Variants in ELFN2 observed in about 807,000 individuals in gnomAD.
The protein encoded by ELFN2 is protein phosphatase 1 regulatory subunit 29.
Under a neutral mutation model 45.5 loss-of-function variants are expected in ELFN2, and 17 were observed. That is an observed-to-expected ratio of 0.37 (90% confidence interval 0.26 to 0.56). The LOEUF (loss-of-function observed/expected upper bound fraction) is 0.56, where lower values mean the gene tolerates loss of function less well. Ranked by LOEUF, ELFN2 falls within the 20% of genes least tolerant of loss-of-function variation. The pLI is 0.77. For synonymous variants in ELFN2, 550 were observed against 551.5 expected (o/e 1.00, Z 0.04); for missense variants, 922 against 1,183.2 (o/e 0.78, Z 3.24).
chr22:37,400,723 G>A (rs1932340375), intron 2 of ELFN2, among the ~76,000 whole-genome samples: 1 of 152,196 alleles, frequency 6.6e-6, no homozygotes, highest in Non-Finnish European at 1.5e-5. Flanking sequence ...GCCCAGAACA[G>A]GAGTTCAAGA....
chr22:37,377,905 C>A (rs538805726), intron 2 of ELFN2, among the ~76,000 whole-genome samples: 32 of 152,316 alleles, frequency 2.1e-4, no homozygotes, highest in East Asian at 1.4e-3. Flanking sequence ...CAGGCCAGTT[C>A]TACCCCTCTC....
chr22:37,390,576 C>A (rs921621144), intron 2 of ELFN2, among the ~76,000 whole-genome samples: 2 of 147,248 alleles, frequency 1.4e-5, no homozygotes, highest in African/African-American at 2.5e-5. Context: ...CCACAGCCCC[C>A]CAGAGGGTTC....
chr22:37,386,908 T>C (rs1293673300), intron 2 of ELFN2, among the ~76,000 whole-genome samples: 2 of 152,190 alleles, frequency 1.3e-5, no homozygotes, highest in Non-Finnish European at 2.9e-5. Flanking sequence ...GTCCTGGGTC[T>C]CGGTTTCCTC....
downstream of ELFN2, among the ~76,000 whole-genome samples, chr22:37,365,348 T>C (rs4821649): frequency 0.74 from 112,513 of 152,028 alleles, 41,786 homozygotes; most frequent in South Asian, 0.8. Flanking sequence ...CCTGGCCCAG[T>C]AGCTACAAGG....
At chr22:37,408,846 G>A (rs1932575924) in intron 2 of ELFN2, among the ~76,000 whole-genome samples, 1 of 152,200 alleles carries the variant, frequency 6.6e-6, no homozygotes, top group East Asian at 1.9e-4. Context: ...GGGTTGTTGT[G>A]AGGATTTTGC....
chr22:37,358,692 G>A (rs865808518), intron 1 of ELFN2, among the ~76,000 whole-genome samples: 4 of 152,226 alleles, frequency 2.6e-5, no homozygotes, highest in Non-Finnish European at 4.4e-5. Context: ...AGTCGGTGAT[G>A]GGCCTTCTCA....
intron 2 of ELFN2, among the ~76,000 whole-genome samples, chr22:37,398,057 G>A (rs963851087): frequency 6.6e-6 from 1 of 152,160 alleles, no homozygotes; most frequent in Non-Finnish European, 1.5e-5. Context: ...TCCAGGCCAC[G>A]CTGCGGGTGG....
chr22:37,425,570 G>A (rs576364974), intron 1 of ELFN2, among the ~76,000 whole-genome samples: 1 of 143,208 alleles, frequency 7.0e-6, no homozygotes, highest in Non-Finnish European at 1.5e-5. Flanking sequence ...TCCCAGTGAC[G>A]TCACCTGCGG....
exon 3 of ELFN2, chr22:37,340,724 C>T (rs1226222169): frequency 6.6e-6 from 1 of 152,306 alleles, no homozygotes; most frequent in Non-Finnish European, 1.5e-5. Flanking sequence ...GAGGCGGCAG[C>T]ATCCAATGAT....
rs1416219559 is a variant in ELFN2, at chr22:37,371,372, T to C, written c.*1700A>G. The C allele has an allele frequency of 6.6e-6, 1 of 151,954 alleles. No homozygotes were observed. The highest frequency in any genetic ancestry group is 1.5e-5 in the Non-Finnish European group (1 of 67,978). 9.4% of individuals were successfully genotyped at this position (151,954 alleles called of 1,614,324 possible). A position where few individuals can be genotyped will look rare whatever the true frequency, so the allele number is the denominator to read the frequency against. On this transcript the variant is annotated 3_prime_UTR_variant, in exon 3 of 3. Transcript: ENST00000402918. The surrounding 1 kb of genome is among the most constrained non-coding windows in gnomAD (Gnocchi z 6.4). ...AGACTGGGGGTCTCTGGCAGGGGCG[T>C]GGGGAGAGCCGGGGCCCCCCAAGCT...
intron 1 of ELFN2, among the ~76,000 whole-genome samples, chr22:37,350,080 G>C (rs1601731917): frequency 1.3e-5 from 2 of 150,998 alleles, no homozygotes; most frequent in East Asian, 3.9e-4. Flanking sequence ...GCAGAGGGCT[G>C]CTGGCTCAAA....
At chr22:37,416,341 C>T (rs67947855) in intron 2 of ELFN2, among the ~76,000 whole-genome samples, 25,396 of 152,150 alleles carry the variant, frequency 0.17, 2,349 homozygotes, top group Admixed American at 0.28. Context: ...CTCCCCAGAA[C>T]GTGCCTGCTG....
At chr22:37,424,889 G>GT (rs1336749378) in intron 1 of ELFN2, among the ~76,000 whole-genome samples, 2 of 152,092 alleles carry the variant, frequency 1.3e-5, no homozygotes, top group African/African-American at 4.8e-5. Flanking sequence ...GGGATAGGAG[G>GT]TGAGAGGACA....
intron 2 of ELFN2, among the ~76,000 whole-genome samples, chr22:37,399,884 A>G (rs1156824608): frequency 2.0e-5 from 3 of 152,308 alleles, no homozygotes; most frequent in Non-Finnish European, 4.4e-5. Context: ...GAAAGAAGGA[A>G]GGGCTTGCAG....
At chr22:37,346,333 C>G (rs1230031588) in intron 1 of ELFN2, among the ~76,000 whole-genome samples, 1 of 152,146 alleles carries the variant, frequency 6.6e-6, no homozygotes, top group Non-Finnish European at 1.5e-5. Context: ...GAGGCTGAAG[C>G]AGGTTCCCCC....
intron 2 of ELFN2, among the ~76,000 whole-genome samples, chr22:37,403,772 G>T (rs905365488): frequency 6.6e-6 from 1 of 152,372 alleles, no homozygotes; most frequent in East Asian, 1.9e-4. Flanking sequence ...AGCCATCGGC[G>T]GTGCCCGCCG....
intron 2 of ELFN2, among the ~76,000 whole-genome samples, chr22:37,376,302 AC>A (rs951798456): frequency 6.6e-6 from 1 of 151,622 alleles, no homozygotes; most frequent in African/African-American, 2.4e-5. Context: ...GCAGACACAC[AC>A]CCCCAGCACC....
chr22:37,421,275 C>T (rs558505647), intron 1 of ELFN2, among the ~76,000 whole-genome samples: 94 of 152,330 alleles, frequency 6.2e-4, no homozygotes, highest in Middle Eastern at 3.4e-3. Flanking sequence ...CAGGGGTAGG[C>T]AGGACCTCTT....
intron 2 of ELFN2, among the ~76,000 whole-genome samples, chr22:37,398,502 C>G (rs187903761): frequency 6.6e-6 from 1 of 152,056 alleles, no homozygotes. Context: ...AGTAAAGCCC[C>G]CCAGCACAGC....
Sources: allele counts gnomAD v4.1 joint callset (sites outside exome capture counted in the v4.1 genomes callset), GRCh38; gene constraint gnomAD v4.1.1; non-coding constraint Gnocchi (gnomAD v3.1); transcripts MANE v1.5; gene names NCBI Gene and HGNC (gene_info 2026-07-23, HGNC 2026-07-21).